RIPOR2: variants seen among roughly 807,000 people sequenced by gnomAD.
RIPOR2 encodes the protein rho family-interacting cell polarization regulator 2.
RIPOR2 carries 39 observed loss-of-function variants against 114.5 expected under a neutral mutation model. The observed-to-expected ratio is 0.34, with a 90% CI of 0.26 to 0.44. RIPOR2 has a LOEUF of 0.44. RIPOR2 is among the 20% of genes least tolerant of loss of function. The pLI is 1.00. For missense variants in RIPOR2, 1,007 were observed against 1,255.1 expected, an observed-to-expected ratio of 0.80 and a Z score of 2.99; for synonymous variants, 445 against 484.4, an observed-to-expected ratio of 0.92 and a Z score of 1.07.
chr6:24,821,539 G>A (rs181548210), intron 19 of RIPOR2, among the ~76,000 whole-genome samples: 1 of 152,330 alleles, frequency 6.6e-6, no homozygotes. Flanking sequence ...AAGATATGCA[G>A]TATAGGTTAT....
At chr6:24,859,427 A>G (rs1763834117) in intron 8 of RIPOR2, among the ~76,000 whole-genome samples, 1 of 152,172 alleles carries the variant, frequency 6.6e-6, no homozygotes, top group African/African-American at 2.4e-5. Context: ...GGCTGCTGAT[A>G]GAATCATCCT....
At chr6:25,005,704 T>G (rs1176521577) in intron 1 of RIPOR2, among the ~76,000 whole-genome samples, 3 of 56,226 alleles carry the variant, frequency 5.3e-5, no homozygotes, top group South Asian at 5.6e-4. Flanking sequence ...GATATATATA[T>G]ATATATATAT....
chr6:24,957,593 G>T (rs1043702430), intron 1 of RIPOR2, among the ~76,000 whole-genome samples: 2 of 152,200 alleles, frequency 1.3e-5, no homozygotes, highest in Admixed American at 6.5e-5. Context: ...GAGAAGGAGG[G>T]TCGGGTGCAG....
rs560382139 is a variant in RIPOR2 at position 24,861,028 on chromosome 6, G to A, written c.660C>T (p.Cys220=). ...RSFKEYTENM[C]TIEVELENLL... Reference sequence around the variant, plus strand: ...GATTCTCTAGCTCCACTTCAATGGTGCACATATTCTGCAAAGAGGACAGGA... The same window carrying A: ...GATTCTCTAGCTCCACTTCAATGGTACACATATTCTGCAAAGAGGACAGGA... Residue 220 remains cysteine, a synonymous_variant, in exon 8 of 22, where the codon TGC becomes TGT. Coordinates refer to ENST00000643898, the MANE Select transcript of RIPOR2 (RefSeq NM_001286445.3). The A allele has an allele frequency of 1.9e-6, 3 of 1,608,582 alleles. No individual in the cohort carries two copies. The South Asian group carries it at 3.3e-5, about 18-fold the overall frequency.
intron 1 of RIPOR2, chr6:24,976,607 C>T: frequency 6.2e-7 from 1 of 1,608,538 alleles, no homozygotes; most frequent in Non-Finnish European, 8.5e-7. Context: ...GCTCTGAGCA[C>T]TGGAGAGAAA....
intron 1 of RIPOR2, among the ~76,000 whole-genome samples, chr6:24,998,429 TAG>T (rs1453193099): frequency 6.6e-6 from 1 of 152,220 alleles, no homozygotes; most frequent in Non-Finnish European, 1.5e-5. Context: ...ATAAAGTTAA[TAG>T]CAATCCCCCA....
At chr6:24,956,400 G>A (rs1581871584) in intron 1 of RIPOR2, among the ~76,000 whole-genome samples, 1 of 152,046 alleles carries the variant, frequency 6.6e-6, no homozygotes, top group Admixed American at 6.6e-5. Flanking sequence ...GAAACCATTA[G>A]ACTTTTGTTA....
intron 1 of RIPOR2, among the ~76,000 whole-genome samples, chr6:25,027,232 G>C (rs181131588): frequency 6.6e-6 from 1 of 152,298 alleles, no homozygotes; most frequent in African/African-American, 2.4e-5. Flanking sequence ...CAATCGCGTA[G>C]GGGTGGATTC....
At chr6:25,010,170 G>A (rs1255964753) in intron 1 of RIPOR2, among the ~76,000 whole-genome samples, 1 of 152,156 alleles carries the variant, frequency 6.6e-6, no homozygotes, top group Non-Finnish European at 1.5e-5. Context: ...TCCCAATGTT[G>A]GAGGTGGGGC....
chr6:24,994,539 C>G lies in RIPOR2; in HGVS notation c.76+47312G>C, dbSNP rs114738212. Among the ~76,000 whole-genome samples, 1,096 of 152,270 alleles carry G rather than the reference C, an allele frequency of 7.2e-3. 15 individuals are homozygous for G. Among genetic ancestry groups the G allele is most frequent in the African/African-American group, 0.025 (1,019 of 41,546 alleles). On this transcript the variant is annotated intron_variant, in intron 1 of 13. Transcript: ENST00000510784. ...TCTGATCACCATTGCTGCTCCCTAG[C>G]CCACTTTCGATTTTTCTACCTTTAT...
At chr6:24,968,013 A>C (rs927488802) in intron 1 of RIPOR2, among the ~76,000 whole-genome samples, 2 of 149,974 alleles carry the variant, frequency 1.3e-5, no homozygotes, top group African/African-American at 4.9e-5. Context: ...CCCAGGTTTG[A>C]ATGATTCTTC....
chr6:25,038,420 A>C (rs548544872), intron 1 of RIPOR2, among the ~76,000 whole-genome samples: 1 of 152,380 alleles, frequency 6.6e-6, no homozygotes, highest in East Asian at 1.9e-4. Context: ...GTCCTTGATC[A>C]GTCAATTTTT....
chr6:25,040,984 T>C (rs557435454), intron 1 of RIPOR2, among the ~76,000 whole-genome samples: 35 of 152,356 alleles, frequency 2.3e-4, no homozygotes, highest in African/African-American at 6.0e-4. Flanking sequence ...CCCACTATGA[T>C]GGGACACATA....
rs192222849 is a variant in RIPOR2 at position 24,912,413 on chromosome 6, C to T, written c.61+23425G>A. ...AATGGCCACATCTATTCATTAGGAT[C>T]CAGTTTAAATACCTTAATCTGCATC... On this transcript the variant is annotated intron_variant, in intron 1 of 21. Coordinates refer to ENST00000643898, the MANE Select transcript of RIPOR2 (RefSeq NM_001286445.3). Among the ~76,000 whole-genome samples the T allele has an allele frequency of 2.6e-5, 4 of 152,206 alleles. No individual in the cohort carries two copies. The East Asian group carries it at 7.7e-4, about 29-fold the overall frequency.
intron 19 of RIPOR2, among the ~76,000 whole-genome samples, chr6:24,823,818 G>A (rs971110819): frequency 1.3e-5 from 2 of 152,102 alleles, no homozygotes; most frequent in East Asian, 1.9e-4. Context: ...GTCCAGTGGC[G>A]CAATCTCGGC....
At chr6:24,956,376 T>G (rs373734773) in intron 1 of RIPOR2, among the ~76,000 whole-genome samples, 1 of 152,198 alleles carries the variant, frequency 6.6e-6, no homozygotes, top group African/African-American at 2.4e-5. Flanking sequence ...TTAAAAGCAG[T>G]GTATGCTTAT....
At chr6:24,947,407 G>C (rs1772479555) in intron 1 of RIPOR2, among the ~76,000 whole-genome samples, 2 of 152,190 alleles carry the variant, frequency 1.3e-5, no homozygotes, top group Non-Finnish European at 2.9e-5. Context: ...TTGTGTACTA[G>C]AAGGCTCAAC....
chr6:25,003,423 T>TATTATTATCATC (rs769816451), intron 1 of RIPOR2, among the ~76,000 whole-genome samples: 2 of 137,806 alleles, frequency 1.5e-5, no homozygotes, highest in East Asian at 2.1e-4. Context: ...TTATTATTAT[T>TATTATTATCATC]ATCATCTCCT....
Position 25,022,532 on chromosome 6 carries a change from A to ATTTTTTTTTTTTTT in RIPOR2, c.76+19305_76+19318dup, listed in dbSNP as rs10564019. ...ACATATAACTAATGTGGTACCTTCC[A>ATTTTTTTTTTTTTT]TTTTTTTTTTTTTTTTTTTTTTTTT... On this transcript the variant is annotated intron_variant, in intron 1 of 13. Transcript: ENST00000510784. Among the ~76,000 whole-genome samples, 14 of 40,994 alleles carry ATTTTTTTTTTTTTT rather than the reference A, an allele frequency of 3.4e-4. 1 individual carries two copies. The highest frequency in any genetic ancestry group is 7.8e-4 in the African/African-American group (10 of 12,770). 26.9% of individuals were successfully genotyped at this position (40,994 alleles called of 152,430 possible).
Sources: allele counts gnomAD v4.1 joint callset (sites outside exome capture counted in the v4.1 genomes callset), GRCh38; gene constraint gnomAD v4.1.1; transcripts MANE v1.5; gene names NCBI Gene and HGNC (gene_info 2026-07-23, HGNC 2026-07-21).